Variants in NBEA observed in about 807,000 individuals in gnomAD.
NBEA encodes neurobeachin, also known as lysosomal-trafficking regulator 2.
NBEA carries 44 observed loss-of-function variants against 343.4 expected under a neutral mutation model. The observed-to-expected ratio is 0.13, with a 90% CI of 0.10 to 0.16. The LOEUF is 0.16. Among genes scored for constraint, NBEA ranks in the 10% least tolerant of loss-of-function variants. NBEA has a pLI of 1.00. For missense variants in NBEA, 2,555 were observed against 3,631.3 expected (o/e 0.70, Z 7.62); for synonymous variants, 1,175 against 1,238.7 (o/e 0.95, Z 1.08).
chr13:35,443,423 T>C (rs9315343), intron 39 of NBEA, among the ~76,000 whole-genome samples: 30,606 of 151,910 alleles, frequency 0.2, 3,258 homozygotes, highest in South Asian at 0.34. Flanking sequence ...TTTATAGTGG[T>C]ATAGATAATA....
rs368410174 is a variant in NBEA, at chr13:35,156,213, A to G, written c.2651+7A>G. ...ACAGCCGTGAAAATAGAAGGTAAGC[A>G]GTTTGGATACTGTAACAACACTTTA... On this transcript the variant is annotated splice_region_variant and intron_variant, in intron 20 of 58. Coordinates refer to ENST00000379939, the MANE Select transcript of NBEA (RefSeq NM_001385012.1). The G allele has an allele frequency of 3.8e-6, 6 of 1,568,706 alleles. No individual in the cohort carries two copies. Among genetic ancestry groups the G allele is most frequent in the Admixed American group, 2.0e-5 (1 of 49,912 alleles).
At chr13:35,154,356 C>T (rs911749325) in intron 18 of NBEA, among the ~76,000 whole-genome samples, 3 of 152,074 alleles carry the variant, frequency 2.0e-5, no homozygotes, top group African/African-American at 4.8e-5. Flanking sequence ...TTTCAACTAA[C>T]GTTGGTGGTT....
At chr13:35,069,874 A>C (rs2063801403) in intron 8 of NBEA, 34 bp from the exon 9 acceptor site, 1 of 1,446,138 alleles carries the variant, frequency 6.9e-7, no homozygotes. Context: ...TGTTGCTTTT[A>C]AAAAGAGTGT....
At chr13:35,383,277 T>C (rs1157199847) in intron 38 of NBEA, among the ~76,000 whole-genome samples, 1 of 152,126 alleles carries the variant, frequency 6.6e-6, no homozygotes. Flanking sequence ...GAATTGAGAA[T>C]AGAAGGACGT....
At chr13:35,412,639 G>A (rs1045381458) in intron 38 of NBEA, among the ~76,000 whole-genome samples, 1 of 152,048 alleles carries the variant, frequency 6.6e-6, no homozygotes, top group South Asian at 2.1e-4. Context: ...AATGAACATA[G>A]ACATTACACA....
intron 17 of NBEA, among the ~76,000 whole-genome samples, chr13:35,129,088 A>G (rs961496320): frequency 2.0e-5 from 3 of 151,472 alleles, no homozygotes; most frequent in Non-Finnish European, 4.4e-5. Flanking sequence ...GAGGGATAGC[A>G]TTAGGAGATA....
At chr13:34,943,908 A>G (rs1555256422) in intron 1 of NBEA, among the ~76,000 whole-genome samples, 2 of 152,212 alleles carry the variant, frequency 1.3e-5, no homozygotes, top group Non-Finnish European at 2.9e-5. Flanking sequence ...AGAAAGAGTT[A>G]CTGCAGAAGT....
intron 39 of NBEA, among the ~76,000 whole-genome samples, chr13:35,438,177 T>C (rs1020716794): frequency 1.3e-5 from 2 of 152,074 alleles, no homozygotes; most frequent in African/African-American, 4.8e-5. Flanking sequence ...CAATAAATAA[T>C]AAGATATGCT....
At chr13:35,213,390 CCT>C (rs2073893551) in intron 33 of NBEA, among the ~76,000 whole-genome samples, 1 of 150,562 alleles carries the variant, frequency 6.6e-6, no homozygotes, top group Non-Finnish European at 1.5e-5. Context: ...ATCTTCTCAC[CCT>C]GTTATTTTTC....
At chr13:35,594,490 G>C (rs1402512439) in intron 47 of NBEA, among the ~76,000 whole-genome samples, 1 of 151,974 alleles carries the variant, frequency 6.6e-6, no homozygotes, top group African/African-American at 2.4e-5. Flanking sequence ...ACTTGTTGTT[G>C]TCAAACTTTA....
chr13:34,952,103 A>G (rs2059367856), intron 1 of NBEA, among the ~76,000 whole-genome samples: 1 of 152,208 alleles, frequency 6.6e-6, no homozygotes. Flanking sequence ...TCTAGGTACT[A>G]AGTAGCACAG....
chr13:35,403,595 A>C (rs2043104845), intron 38 of NBEA, among the ~76,000 whole-genome samples: 1 of 152,126 alleles, frequency 6.6e-6, no homozygotes, highest in Non-Finnish European at 1.5e-5. Flanking sequence ...ACCTTATACA[A>C]AAATTAATTC....
intron 35 of NBEA, among the ~76,000 whole-genome samples, chr13:35,302,178 A>C (rs1303242055): frequency 1.3e-5 from 2 of 152,062 alleles, no homozygotes; most frequent in Non-Finnish European, 2.9e-5. Flanking sequence ...TAATATTTTG[A>C]ATTAGATTAC....
At chr13:35,354,331 A>G (rs1042137743) in intron 38 of NBEA, among the ~76,000 whole-genome samples, 2 of 152,186 alleles carry the variant, frequency 1.3e-5, no homozygotes, top group East Asian at 3.9e-4. Context: ...TTATATTGCT[A>G]GTAACGCAGC....
chr13:35,392,051 A>G (rs1162570453), intron 38 of NBEA, among the ~76,000 whole-genome samples: 3 of 152,116 alleles, frequency 2.0e-5, no homozygotes, highest in African/African-American at 7.2e-5. Context: ...GCTTGGTAGA[A>G]GGTATCACAA....
intron 38 of NBEA, among the ~76,000 whole-genome samples, chr13:35,412,092 T>C (rs890648450): frequency 2.6e-5 from 4 of 152,154 alleles, no homozygotes; most frequent in Non-Finnish European, 5.9e-5. Context: ...TTTATTTTGG[T>C]GCAAAAAATT....
chr13:35,441,484 A>G (rs142435636), intron 39 of NBEA, among the ~76,000 whole-genome samples: 153 of 152,268 alleles, frequency 1.0e-3, no homozygotes, highest in African/African-American at 3.5e-3. Flanking sequence ...ATCAAAGCCT[A>G]TATGTTTGGG....
chr13:35,512,853 A>G (rs1444838820), intron 41 of NBEA, among the ~76,000 whole-genome samples: 1 of 152,174 alleles, frequency 6.6e-6, no homozygotes, highest in African/African-American at 2.4e-5. Context: ...CTCCTTCCAC[A>G]AAAACTGTGG....
intron 33 of NBEA, among the ~76,000 whole-genome samples, chr13:35,216,799 A>G (rs1260609210): frequency 6.6e-6 from 1 of 151,930 alleles, no homozygotes; most frequent in Non-Finnish European, 1.5e-5. Flanking sequence ...GTTTAAACAT[A>G]CACCTACTAA....
Sources: gnomAD v4.1 joint callset for allele counts (sites outside exome capture counted in the v4.1 genomes callset) on GRCh38, gnomAD v4.1.1 for gene constraint, MANE v1.5 for transcripts, NCBI Gene and HGNC (gene_info 2026-07-23, HGNC 2026-07-21) for gene names.